The following MGAT4C variants were observed in gnomAD, a reference collection of about 807,000 sequenced individuals.
The protein encoded by MGAT4C is MGAT4 family member C.
Under a neutral mutation model 40.1 loss-of-function variants are expected in MGAT4C, and 19 were observed. That is an observed-to-expected ratio of 0.47 (90% CI 0.33 to 0.70). MGAT4C has a LOEUF of 0.70. MGAT4C is among the 30% of genes least tolerant of loss of function. The probability of loss-of-function intolerance (pLI) is 0.02; values close to 1 mark genes in which losing one functional copy is unlikely to be tolerated. For missense variants in MGAT4C, 491 were observed against 563.2 expected (o/e 0.87, Z 1.30); for synonymous variants, 181 against 187.1 (o/e 0.97, Z 0.27).
chr12:86,172,854 T>A (rs1175815657), intron 1 of MGAT4C, among the ~76,000 whole-genome samples: 2 of 152,152 alleles, frequency 1.3e-5, no homozygotes, highest in African/African-American at 4.8e-5. Context: ...GTCAGTGTAT[T>A]CTATAAATCC....
intron 4 of MGAT4C, among the ~76,000 whole-genome samples, chr12:86,329,427 T>C (rs1047336774): frequency 3.3e-5 from 5 of 152,156 alleles, no homozygotes; most frequent in Non-Finnish European, 2.9e-5. Flanking sequence ...TACTTTAATA[T>C]GTAACTTTTA....
intron 3 of MGAT4C, among the ~76,000 whole-genome samples, chr12:86,379,821 A>G (rs1035505177): frequency 3.3e-5 from 5 of 152,040 alleles, no homozygotes; most frequent in African/African-American, 1.2e-4. Flanking sequence ...TCATTCTTCA[A>G]TCCAAAATTT....
intron 3 of MGAT4C, among the ~76,000 whole-genome samples, chr12:86,414,026 C>A (rs1956656456): frequency 6.6e-6 from 1 of 151,586 alleles, no homozygotes. Context: ...GAACAAGAAG[C>A]ATTTCAAGGA....
intron 1 of MGAT4C, among the ~76,000 whole-genome samples, chr12:86,761,326 G>GTAGT (rs1264800524): frequency 6.6e-6 from 1 of 152,104 alleles, no homozygotes; most frequent in East Asian, 1.9e-4. Flanking sequence ...GAGTACTGAG[G>GTAGT]TAGTTTGAGG....
At chr12:86,548,626 G>C (rs557654180) in intron 2 of MGAT4C, among the ~76,000 whole-genome samples, 2 of 152,136 alleles carry the variant, frequency 1.3e-5, no homozygotes, top group South Asian at 2.1e-4. Flanking sequence ...ATAGAGTAGT[G>C]ATTAAGAGCA....
intron 2 of MGAT4C, among the ~76,000 whole-genome samples, chr12:86,591,525 T>A (rs1249621892): frequency 1.3e-5 from 2 of 151,902 alleles, no homozygotes; most frequent in Non-Finnish European, 2.9e-5. Context: ...ACATACTAAC[T>A]AAAAGGGATA....
At chr12:85,989,737 G>T (rs774696260) in intron 2 of MGAT4C, among the ~76,000 whole-genome samples, 185 bp from the exon 3 acceptor site, 4 of 151,980 alleles carry the variant, frequency 2.6e-5, no homozygotes, top group Non-Finnish European at 5.9e-5. Flanking sequence ...TAAGATCAAT[G>T]CAGTGGTTTA....
At chr12:86,269,058 ATATTCTT>A (rs1952876007) in intron 4 of MGAT4C, among the ~76,000 whole-genome samples, 1 of 69,654 alleles carries the variant, frequency 1.4e-5, no homozygotes, top group Non-Finnish European at 2.9e-5. Flanking sequence ...ATATATATAT[ATATTCTT>A]TTCTTTTAAT....
At chr12:86,178,951 C>T (rs768687852) in intron 1 of MGAT4C, among the ~76,000 whole-genome samples, 2 of 152,122 alleles carry the variant, frequency 1.3e-5, no homozygotes, top group African/African-American at 2.4e-5. Flanking sequence ...TTAGATTCAA[C>T]CTATTTGCCT....
intron 2 of MGAT4C, among the ~76,000 whole-genome samples, chr12:86,593,660 T>C (rs1439632411): frequency 2.0e-5 from 3 of 152,232 alleles, no homozygotes; most frequent in African/African-American, 7.2e-5. Context: ...TTAACTTCCA[T>C]ATACTTGTAA....
chr12:86,393,319 G>C (rs1464844254), intron 3 of MGAT4C, among the ~76,000 whole-genome samples: 1 of 151,938 alleles, frequency 6.6e-6, no homozygotes, highest in Non-Finnish European at 1.5e-5. Flanking sequence ...ATTACAGCAT[G>C]TCTAATCCAC....
intron 4 of MGAT4C, among the ~76,000 whole-genome samples, chr12:86,299,523 G>T (rs1953761886): frequency 6.6e-6 from 1 of 152,072 alleles, no homozygotes; most frequent in African/African-American, 2.4e-5. Context: ...TTTAGTTTGG[G>T]TCAATAGAGA....
intron 2 of MGAT4C, among the ~76,000 whole-genome samples, chr12:86,498,896 G>A (rs79866806): frequency 3.3e-5 from 5 of 151,918 alleles, no homozygotes; most frequent in African/African-American, 1.2e-4. Context: ...TGGAAGTACT[G>A]CCAAGAAGAG....
At chr12:86,831,234 C>T (rs1249939499) in intron 1 of MGAT4C, among the ~76,000 whole-genome samples, 4 of 151,502 alleles carry the variant, frequency 2.6e-5, no homozygotes, top group Non-Finnish European at 5.9e-5. Context: ...CAATGATAAT[C>T]GAAAAGAAGA....
At chr12:86,468,430 C>T (rs1957712535) in intron 2 of MGAT4C, among the ~76,000 whole-genome samples, 1 of 152,024 alleles carries the variant, frequency 6.6e-6, no homozygotes, top group Admixed American at 6.6e-5. Flanking sequence ...TTTTATCTTC[C>T]CAGAGATTTT....
chr12:86,178,137 C>A (rs145242075), intron 1 of MGAT4C, among the ~76,000 whole-genome samples: 1 of 152,062 alleles, frequency 6.6e-6, no homozygotes. Context: ...AGGGTTTCAC[C>A]GTGTTAGCCA....
chr12:86,103,587 C>A (rs1052779719), intron 1 of MGAT4C, among the ~76,000 whole-genome samples: 1 of 152,054 alleles, frequency 6.6e-6, no homozygotes, highest in Non-Finnish European at 1.5e-5. Flanking sequence ...TTGTTTGTAC[C>A]AATTTGTTAT....
intron 2 of MGAT4C, among the ~76,000 whole-genome samples, chr12:86,638,319 C>A (rs1963281830): frequency 6.6e-6 from 1 of 151,766 alleles, no homozygotes; most frequent in African/African-American, 2.4e-5. Context: ...TTAGACATTA[C>A]CCTGGACAGC....
intron 3 of MGAT4C, among the ~76,000 whole-genome samples, chr12:85,986,309 G>A (rs1486640443): frequency 6.6e-6 from 1 of 152,088 alleles, no homozygotes. Flanking sequence ...TTTTCTGGAT[G>A]GGAATGCAAT....
Sources: gnomAD v4.1 joint callset for allele counts (sites outside exome capture counted in the v4.1 genomes callset) on GRCh38, gnomAD v4.1.1 for gene constraint, MANE v1.5 for transcripts, NCBI Gene and HGNC (gene_info 2026-07-23, HGNC 2026-07-21) for gene names.